The following DGKB variants were observed in gnomAD, a reference collection of about 807,000 sequenced individuals.
DGKB encodes the protein 90 kDa diacylglycerol kinase.
Under a neutral mutation model 114.3 loss-of-function variants are expected in DGKB, and 67 were observed. The observed-to-expected ratio is 0.59, with a 90% CI of 0.48 to 0.72. DGKB has a LOEUF of 0.72. DGKB is among the 30% of genes least tolerant of loss of function. The pLI is 0.00. For missense variants in DGKB, 907 were observed against 975.2 expected, an observed-to-expected ratio of 0.93 and a Z score of 0.93; for synonymous variants, 398 against 323.1, an observed-to-expected ratio of 1.23 and a Z score of -2.49.
intron 21 of DGKB, among the ~76,000 whole-genome samples, chr7:14,471,710 A>T (rs945133829): frequency 6.6e-6 from 1 of 152,092 alleles, no homozygotes; most frequent in Non-Finnish European, 1.5e-5. Context: ...CTCACTCTAC[A>T]TATCACAGTT....
At position 14,505,075 on chromosome 7, in the gene DGKB, A is replaced by G. The variant is rs75318107; in HGVS notation, c.1771-26850T>C. 7.6e-4 allele frequency among the ~76,000 whole-genome samples: 115 copies of G among 152,304 alleles called. 1 individual carries two copies. Among genetic ancestry groups the G allele is most frequent in the African/African-American group, 2.6e-3 (108 of 41,580 alleles). The stretch of plus-strand genomic sequence containing the variant: ...TAACCCCTGGCCTCACTGAAGGCAT[A>G]GAGCTTAGATATAATGTTCCATTCC... On this transcript the variant is annotated intron_variant, in intron 20 of 25. Coordinates refer to ENST00000402815, the MANE Select transcript of DGKB (RefSeq NM_001350709.2).
chr7:14,183,453 G>A (rs1400529854), intron 23 of DGKB, among the ~76,000 whole-genome samples: 2 of 152,060 alleles, frequency 1.3e-5, no homozygotes, highest in African/African-American at 4.8e-5. Flanking sequence ...AAACATAAAG[G>A]CAGGCTTTTT....
intron 20 of DGKB, among the ~76,000 whole-genome samples, chr7:14,567,629 T>C (rs1447305876): frequency 7.3e-6 from 1 of 137,130 alleles, no homozygotes; most frequent in East Asian, 2.0e-4. Flanking sequence ...TTTATTGAGA[T>C]GGAGTCTCAC....
chr7:14,857,515 G>T (rs938763856), intron 1 of DGKB, among the ~76,000 whole-genome samples: 4 of 152,072 alleles, frequency 2.6e-5, no homozygotes, highest in African/African-American at 9.7e-5. Context: ...GATGTTCGAA[G>T]CTGCAAAATT....
At chr7:14,742,827 T>G (rs1832759828) in intron 4 of DGKB, among the ~76,000 whole-genome samples, 1 of 152,204 alleles carries the variant, frequency 6.6e-6, no homozygotes, top group African/African-American at 2.4e-5. Context: ...AAATGTGTTT[T>G]CAGGAAAAGA....
intron 2 of DGKB, among the ~76,000 whole-genome samples, chr7:14,769,207 GGAAA>G (rs1836989070): frequency 1.7e-5 from 2 of 119,558 alleles, no homozygotes; most frequent in Admixed American, 1.8e-4. Flanking sequence ...AAGGAAGAAA[GGAAA>G]GAAAGAGAAA....
chr7:14,692,738 T>C (rs1216845549), intron 9 of DGKB, among the ~76,000 whole-genome samples: 1 of 151,518 alleles, frequency 6.6e-6, no homozygotes, highest in Non-Finnish European at 1.5e-5. Flanking sequence ...TAACTTTCCA[T>C]ATATCACTTA....
chr7:14,821,978 ATTAAGG>A (rs1845007566), intron 2 of DGKB, among the ~76,000 whole-genome samples: 1 of 152,298 alleles, frequency 6.6e-6, no homozygotes, highest in Admixed American at 6.5e-5. Flanking sequence ...TCTTGGATGC[ATTAAGG>A]TTGAGTCATA....
At chr7:14,216,199 T>C (rs1344665661) in intron 23 of DGKB, among the ~76,000 whole-genome samples, 3 of 152,124 alleles carry the variant, frequency 2.0e-5, no homozygotes, top group Non-Finnish European at 4.4e-5. Context: ...ATAATTTAAA[T>C]TTTTTCTACT....
Position 14,650,753 on chromosome 7 carries a change from G to C in DGKB, c.1135-20485C>G, listed in dbSNP as rs1174047039. 2.4e-3 allele frequency among the ~76,000 whole-genome samples: 326 copies of C among 136,056 alleles called. 2 individuals are homozygous for C. Among genetic ancestry groups the C allele is most frequent in the Non-Finnish European group, 3.2e-3 (204 of 63,832 alleles). The allele number at this position is 136,056 out of a possible 152,430, so 89.3% of individuals were successfully genotyped here. A position where few individuals can be genotyped will look rare whatever the true frequency, so the allele number is the denominator to read the frequency against. ...AACAAAATTGATAGACCGCTAGCAA[G>C]ACTAATAAAGAAAAAAAGAGAGAAG... On this transcript the variant is annotated intron_variant, in intron 13 of 25. Coordinates refer to ENST00000402815, the MANE Select transcript of DGKB (RefSeq NM_001350709.2).
At chr7:14,311,578 A>G (rs892875684) in intron 23 of DGKB, among the ~76,000 whole-genome samples, 1 of 152,066 alleles carries the variant, frequency 6.6e-6, no homozygotes, top group Non-Finnish European at 1.5e-5. Context: ...GCATGCCACC[A>G]TGCCTGGCGA....
intron 20 of DGKB, 39 bp from the exon 21 acceptor site, chr7:14,478,264 A>G (rs757564980): frequency 4.9e-6 from 6 of 1,233,298 alleles, no homozygotes; most frequent in Non-Finnish European, 6.8e-6. Context: ...AGGATGGTTT[A>G]TGATCCTATT....
intron 23 of DGKB, among the ~76,000 whole-genome samples, chr7:14,223,531 T>C (rs546255378): frequency 6.6e-6 from 1 of 151,902 alleles, no homozygotes; most frequent in East Asian, 1.9e-4. Flanking sequence ...GAATAATATA[T>C]ATAAAAAAGG....
rs140205177 is a variant in DGKB at position 14,537,534 on chromosome 7, G to T, written c.1770+36678C>A. On this transcript the variant is annotated intron_variant, in intron 20 of 25. Transcript: ENST00000402815. ...GAAGATGCCAAGAATACACAACAGA[G>T]TAAAGAGAGTATCTTCAATACATGG... Among the ~76,000 whole-genome samples, 287 of 152,164 alleles carry T rather than the reference G, an allele frequency of 1.9e-3. 1 individual carries two copies. The highest frequency in any genetic ancestry group is 6.2e-3 in the African/African-American group (256 of 41,520).
intron 2 of DGKB, among the ~76,000 whole-genome samples, chr7:14,808,640 C>CA (rs1249404609): frequency 1.3e-5 from 2 of 151,700 alleles, no homozygotes; most frequent in Admixed American, 1.3e-4. Context: ...GAAGAGATTG[C>CA]AAAAAAAGAA....
intron 13 of DGKB, among the ~76,000 whole-genome samples, chr7:14,641,599 C>T (rs1213879924): frequency 2.0e-5 from 3 of 151,694 alleles, no homozygotes; most frequent in African/African-American, 7.3e-5. Flanking sequence ...TTTATTTTCA[C>T]GTGGTTATAC....
At chr7:14,312,939 A>G (rs1311337126) in intron 23 of DGKB, among the ~76,000 whole-genome samples, 1 of 152,230 alleles carries the variant, frequency 6.6e-6, no homozygotes, top group African/African-American at 2.4e-5. Context: ...AATATTTGAA[A>G]GCCTGCATAA....
chr7:14,539,226 G>T (rs1294733065), intron 20 of DGKB, among the ~76,000 whole-genome samples: 1 of 152,198 alleles, frequency 6.6e-6, no homozygotes. Flanking sequence ...CTTGATTATG[G>T]TGATAGTAGT....
At chr7:14,383,512 C>T (rs1031951417) in intron 21 of DGKB, among the ~76,000 whole-genome samples, 16 of 152,084 alleles carry the variant, frequency 1.1e-4, no homozygotes, top group African/African-American at 3.9e-4. Context: ...TGTTGGCTTT[C>T]CAGTGTCATC....
Sources: allele counts gnomAD v4.1 joint callset (sites outside exome capture counted in the v4.1 genomes callset), GRCh38; gene constraint gnomAD v4.1.1; transcripts MANE v1.5; gene names NCBI Gene and HGNC (gene_info 2026-07-23, HGNC 2026-07-21).